The following DDX17 variants were observed in gnomAD, a reference collection of about 807,000 sequenced individuals.
The protein encoded by DDX17 is probable ATP-dependent RNA helicase DDX17.
DDX17 carries 10 observed loss-of-function variants against 80.8 expected under a neutral mutation model. The observed-to-expected ratio is 0.12, with a 90% CI of 0.08 to 0.21. DDX17 has a LOEUF of 0.21. DDX17 is among the 10% of genes least tolerant of loss of function. DDX17 has a pLI of 1.00. For synonymous variants in DDX17, 339 were observed against 336.2 expected, an observed-to-expected ratio of 1.01 and a Z score of -0.09; for missense variants, 586 against 957.4, an observed-to-expected ratio of 0.61 and a Z score of 5.12.
At chr22:38,498,269 A>G (rs2089790452) in intron 4 of DDX17, 119 bp from the exon 5 acceptor site, 13 of 1,378,796 alleles carry the variant, frequency 9.4e-6, no homozygotes, top group South Asian at 1.3e-5. Flanking sequence ...TACCACTGCT[A>G]TATACAGGAA....
At chr22:38,501,065 A>G in intron 2 of DDX17, 65 bp downstream of exon 2, 5 of 1,548,246 alleles carry the variant, frequency 3.2e-6, no homozygotes, top group Non-Finnish European at 8.7e-7. Flanking sequence ...GCGTATGAAT[A>G]AACTCTAACC....
chr22:38,493,077 A>C (rs1173854610), intron 10 of DDX17, among the ~76,000 whole-genome samples: 1 of 152,234 alleles, frequency 6.6e-6, no homozygotes, highest in African/African-American at 2.4e-5. Flanking sequence ...ACACGCTAAA[A>C]GTACCCTCAG....
At chr22:38,488,628 TTAC>T (rs1196029554) in intron 11 of DDX17, 9 of 987,700 alleles carry the variant, frequency 9.1e-6, no homozygotes, top group African/African-American at 3.5e-5. Flanking sequence ...ATATATTTTA[TTAC>T]TACAATTTAA....
At position 38,485,528 on chromosome 22, in the gene DDX17, C is replaced by T. The variant is rs539110051; in HGVS notation, c.*407G>A. On this transcript the variant is annotated 3_prime_UTR_variant, in exon 13 of 13. Coordinates refer to ENST00000403230, the MANE Select transcript of DDX17 (RefSeq NM_006386.5). ...TTCCTCTGCAAAACAATTCAGCCCT[C>T]CCCCTCCCTCCCTCCCCACCAACTC... The T allele has an allele frequency of 1.3e-5, 2 of 150,866 alleles. No homozygotes were observed. The highest frequency in any genetic ancestry group is 4.2e-4 in the South Asian group (2 of 4,736). The allele number at this position is 150,866 out of a possible 1,614,324, so 9.3% of individuals were successfully genotyped here. A position where few individuals can be genotyped will look rare whatever the true frequency, so the allele number is the denominator to read the frequency against.
chr22:38,492,788 A>T (rs963754773), intron 10 of DDX17, among the ~76,000 whole-genome samples: 1 of 152,196 alleles, frequency 6.6e-6, no homozygotes, highest in Non-Finnish European at 1.5e-5. Flanking sequence ...GTCCGGCCAC[A>T]TTTTATTTCT....
intron 12 of DDX17, among the ~76,000 whole-genome samples, chr22:38,486,749 TTCTGCAACTGTA>T (rs1468298258): frequency 2.0e-5 from 3 of 152,198 alleles, no homozygotes; most frequent in Admixed American, 6.5e-5. Context: ...TCCTAGGATA[TTCTGCAACTGTA>T]GATGCAACTG....
Position 38,492,080 on chromosome 22 carries a change from T to C in DDX17, c.1423A>G (p.Thr475Ala), listed in dbSNP as rs147221186. Residue 475 changes from threonine to alanine, a missense_variant, in exon 11 of 13, where the codon ACA (threonine) becomes GCA (alanine). Thr to Ala is a moderately conservative substitution (Grantham distance 58). This residue lies in a region of DDX17 where 9 missense variants were observed against 78.3 expected (regional missense o/e 0.11). Transcript: ENST00000403230. ...CCTAGCCCACGGGAGGCTACATCTG[T>C]AGCAATAAGGATGGGTGCCTTTCCA... is the stretch of plus-strand genomic sequence containing the variant. 1 of 1,612,344 alleles carries C rather than the reference T, an allele frequency of 6.2e-7. No homozygotes were observed. Among genetic ancestry groups the C allele is most frequent in the African/African-American group, 1.3e-5 (1 of 74,868 alleles).
rs771881025 is a variant in DDX17, at chr22:38,506,249, C to T, written c.-12G>A. On this transcript the variant is annotated 5_prime_UTR_variant, in exon 1 of 13. Transcript: ENST00000403230. ...AAGCCGGTGGGCAGGTTTGGCTACG[C>T]TCAAACCGGGCAGTGCCGCGGTTTA... is the stretch of plus-strand genomic sequence containing the variant. The T allele has an allele frequency of 3.1e-6, 5 of 1,595,676 alleles. No individual in the cohort carries two copies. Among genetic ancestry groups the T allele is most frequent in the Admixed American group, 3.6e-5 (2 of 56,280 alleles).
chr22:38,493,859 TG>T (rs1390702649), intron 9 of DDX17, 88 bp from the exon 10 acceptor site: 2 of 1,398,666 alleles, frequency 1.4e-6, no homozygotes, highest in African/African-American at 2.9e-5. Context: ...ATGCAATTTT[TG>T]TAAGGTTTGT....
chr22:38,500,400 T>C (rs1006948471), intron 2 of DDX17, among the ~76,000 whole-genome samples: 4 of 151,958 alleles, frequency 2.6e-5, no homozygotes, highest in Non-Finnish European at 5.9e-5. Flanking sequence ...CCCAGCACTT[T>C]GGGAGGCTGA....
At chr22:38,504,457 G>C (rs1212246554) in intron 1 of DDX17, among the ~76,000 whole-genome samples, 1 of 152,140 alleles carries the variant, frequency 6.6e-6, no homozygotes, top group Non-Finnish European at 1.5e-5. Context: ...AAAGCTTAGG[G>C]AGGAATTGCT....
At chr22:38,505,792 GC>G in intron 1 of DDX17, 158 bp downstream of exon 1, 1 of 931,742 alleles carries the variant, frequency 1.1e-6, no homozygotes, top group Non-Finnish European at 1.6e-6. Flanking sequence ...TGACCCCGGG[GC>G]CGAGGTCCGC....
intron 12 of DDX17, 83 bp from the exon 13 acceptor site, chr22:38,486,523 G>T (rs2145683808): frequency 6.9e-7 from 1 of 1,447,834 alleles, no homozygotes; most frequent in East Asian, 2.5e-5. Flanking sequence ...GGGTACAAAA[G>T]TATTAAACAT....
At chr22:38,498,639 A>G in intron 3 of DDX17, 66 bp from the exon 4 acceptor site, 1 of 1,569,582 alleles carries the variant, frequency 6.4e-7, no homozygotes, top group Non-Finnish European at 8.7e-7. Flanking sequence ...GTTTTTAAAA[A>G]AACTTTTAAG....
chr22:38,495,777 T>A lies in DDX17; in HGVS notation c.880+19A>T. 1 of 1,510,384 alleles carries A rather than the reference T, an allele frequency of 6.6e-7. No individual in the cohort carries two copies. The highest frequency in any genetic ancestry group is 8.9e-7 in the Non-Finnish European group (1 of 1,126,642). 93.6% of individuals were successfully genotyped at this position (1,510,384 alleles called of 1,614,324 possible). ...AAAGTAAGATAAACTAACAATTCTT[T>A]TACACTATATATTATTACCTCTTTC... On this transcript the variant is annotated intron_variant, in intron 6 of 12. Transcript: ENST00000403230.
At chr22:38,497,009 A>T (rs2089774686) in intron 5 of DDX17, among the ~76,000 whole-genome samples, 1 of 152,160 alleles carries the variant, frequency 6.6e-6, no homozygotes, top group Non-Finnish European at 1.5e-5. Context: ...TTCTTAAAAA[A>T]GTTAAGTAGG....
rs138441 is a variant in DDX17, at chr22:38,489,622, T to C, written c.1448-1507A>G. 0.76 allele frequency: 588,090 copies of C among 771,206 alleles called. 204,359 individuals are homozygous for C. The highest frequency in any genetic ancestry group is 0.95 in the Admixed American group (15,050 of 15,866). 47.8% of individuals were successfully genotyped at this position (771,206 alleles called of 1,614,324 possible). A position where few individuals can be genotyped will look rare whatever the true frequency, so the allele number is the denominator to read the frequency against. On this transcript the variant is annotated intron_variant, in intron 11 of 12. Transcript: ENST00000403230. The surrounding 1 kb of genome is among the most constrained non-coding windows in gnomAD (Gnocchi z 4.6). ...TAATTTCAAGGGAGAAAGGGGAGATTAAAAAAAAAAAATTAGCTGTTGTTA... is the reference window on the plus strand; with the variant it reads ...TAATTTCAAGGGAGAAAGGGGAGATCAAAAAAAAAAAATTAGCTGTTGTTA...
chr22:38,500,561 C>A (rs2145707376), intron 2 of DDX17, among the ~76,000 whole-genome samples: 1 of 152,148 alleles, frequency 6.6e-6, no homozygotes, highest in East Asian at 1.9e-4. Flanking sequence ...GTAATCCCAG[C>A]ACTTTGAGAG....
At chr22:38,492,230 T>C (rs1303701323) in intron 10 of DDX17, 115 bp from the exon 11 acceptor site, 2 of 729,850 alleles carry the variant, frequency 2.7e-6, no homozygotes, top group Non-Finnish European at 4.4e-6. Flanking sequence ...GCTCTTGTAA[T>C]GACTGACAGT....
Sources: gnomAD v4.1 joint callset for allele counts (sites outside exome capture counted in the v4.1 genomes callset) on GRCh38, gnomAD v4.1.1 for gene constraint, gnomAD v4.1.1 regional missense constraint, Gnocchi (gnomAD v3.1) non-coding constraint, MANE v1.5 for transcripts, NCBI Gene and HGNC (gene_info 2026-07-23, HGNC 2026-07-21) for gene names.